The following SGCZ variants were observed in gnomAD, a reference collection of about 807,000 sequenced individuals.
SGCZ encodes sarcoglycan zeta, also known as zeta-sarcoglycan.
A neutral mutation model predicts 41.3 loss-of-function variants in SGCZ; 40 were observed. The ratio of observed to expected loss-of-function variants is 0.97; its 90% CI spans 0.75 to 1.26. The LOEUF (loss-of-function observed/expected upper bound fraction) is 1.26, where lower values mean the gene tolerates loss of function less well. Ranked by LOEUF, SGCZ falls within the 50% of genes most tolerant of loss-of-function variation. The pLI is 0.00. For missense variants in SGCZ, 552 were observed against 369.8 expected, an observed-to-expected ratio of 1.49 and a Z score of -4.04; for synonymous variants, 206 against 137.5, an observed-to-expected ratio of 1.50 and a Z score of -3.49.
At chr8:15,080,263 G>A (rs1230917011) in intron 1 of SGCZ, among the ~76,000 whole-genome samples, 1 of 151,908 alleles carries the variant, frequency 6.6e-6, no homozygotes, top group African/African-American at 2.4e-5. Context: ...CTCCTTAGAA[G>A]CTCCAATACT....
At chr8:14,470,310 T>A (rs1279144786) in intron 2 of SGCZ, among the ~76,000 whole-genome samples, 1 of 152,200 alleles carries the variant, frequency 6.6e-6, no homozygotes, top group South Asian at 2.1e-4. Flanking sequence ...CTCCTCACTC[T>A]TTTATAATCT....
chr8:14,182,928 T>C (rs1376430991), intron 4 of SGCZ, among the ~76,000 whole-genome samples: 1 of 150,368 alleles, frequency 6.7e-6, no homozygotes, highest in Non-Finnish European at 1.5e-5. Flanking sequence ...GAGAATCGCT[T>C]GAACCCAGGA....
chr8:15,085,210 C>T (rs1299589987), intron 1 of SGCZ, among the ~76,000 whole-genome samples: 1 of 152,040 alleles, frequency 6.6e-6, no homozygotes, highest in African/African-American at 2.4e-5. Context: ...AAATCCAAAC[C>T]CTACTCACAG....
chr8:14,287,265 A>G (rs1390758723), intron 3 of SGCZ, among the ~76,000 whole-genome samples: 1 of 151,762 alleles, frequency 6.6e-6, no homozygotes, highest in Non-Finnish European at 1.5e-5. Flanking sequence ...AAAAAATTAA[A>G]CTAGGAAAAA....
intron 1 of SGCZ, among the ~76,000 whole-genome samples, chr8:14,900,803 A>C (rs764151349): frequency 1.1e-4 from 16 of 152,222 alleles, no homozygotes; most frequent in Non-Finnish European, 2.2e-4. Flanking sequence ...CAAAGGTAAC[A>C]TAGCCAAAAT....
At chr8:14,195,904 G>C (rs1210966088) in intron 4 of SGCZ, among the ~76,000 whole-genome samples, 1 of 152,056 alleles carries the variant, frequency 6.6e-6, no homozygotes, top group African/African-American at 2.4e-5. Flanking sequence ...GAATGTTAAA[G>C]GAAGTTTTTC....
chr8:15,172,407 G>A (rs370730513), intron 1 of SGCZ, among the ~76,000 whole-genome samples: 22 of 151,732 alleles, frequency 1.4e-4, no homozygotes, highest in East Asian at 5.8e-4. Flanking sequence ...TGATCTGCCC[G>A]TCTCGGCCTC....
chr8:14,615,383 T>C (rs1278747775), intron 1 of SGCZ, among the ~76,000 whole-genome samples: 1 of 152,224 alleles, frequency 6.6e-6, no homozygotes, highest in African/African-American at 2.4e-5. Context: ...TGCTCCTGTA[T>C]CTGGCCCATA....
At chr8:14,867,757 C>T (rs1243759824) in intron 1 of SGCZ, among the ~76,000 whole-genome samples, 1 of 151,958 alleles carries the variant, frequency 6.6e-6, no homozygotes, top group Admixed American at 6.6e-5. Flanking sequence ...ACACTGGGGC[C>T]TCTTGGAGGG....
chr8:14,782,213 T>C (rs1468098509), intron 1 of SGCZ, among the ~76,000 whole-genome samples: 1 of 152,194 alleles, frequency 6.6e-6, no homozygotes, highest in Non-Finnish European at 1.5e-5. Context: ...TAAAACTTAT[T>C]AAGCACTTCC....
At chr8:14,512,128 G>T (rs1802484136) in intron 2 of SGCZ, among the ~76,000 whole-genome samples, 1 of 152,106 alleles carries the variant, frequency 6.6e-6, no homozygotes, top group South Asian at 2.1e-4. Context: ...TTTTTGAGCT[G>T]AGTATTTTCT....
chr8:14,796,280 T>A (rs1354132377), intron 1 of SGCZ, among the ~76,000 whole-genome samples: 1 of 152,168 alleles, frequency 6.6e-6, no homozygotes, highest in Middle Eastern at 3.2e-3. Flanking sequence ...AACTAATGCC[T>A]GCTGTTTTAC....
intron 5 of SGCZ, among the ~76,000 whole-genome samples, chr8:14,126,093 C>G (rs1344559365): frequency 2.0e-5 from 3 of 152,098 alleles, no homozygotes; most frequent in African/African-American, 7.2e-5. Flanking sequence ...GTGACATAGC[C>G]AAAAGCAATT....
intron 1 of SGCZ, among the ~76,000 whole-genome samples, chr8:15,229,977 C>A (rs1166148388): frequency 6.6e-6 from 1 of 152,218 alleles, no homozygotes; most frequent in African/African-American, 2.4e-5. Context: ...TGCATGCCTC[C>A]AGCAAAGACA....
chr8:14,843,624 A>G (rs1585311486), intron 1 of SGCZ, among the ~76,000 whole-genome samples: 1 of 152,138 alleles, frequency 6.6e-6, no homozygotes, highest in East Asian at 1.9e-4. Context: ...TTGCCCACAG[A>G]TACATGGAGA....
intron 5 of SGCZ, among the ~76,000 whole-genome samples, chr8:14,154,092 C>T (rs959761289): frequency 3.3e-5 from 5 of 152,086 alleles, no homozygotes; most frequent in African/African-American, 7.2e-5. Flanking sequence ...AATTTCTGGC[C>T]GGGCCCGGTG....
At chr8:14,924,334 C>A (rs1243472840) in intron 1 of SGCZ, among the ~76,000 whole-genome samples, 2 of 152,030 alleles carry the variant, frequency 1.3e-5, no homozygotes, top group Non-Finnish European at 2.9e-5. Flanking sequence ...CTTTGTAGAC[C>A]TGCTGTAAAT....
chr8:14,583,987 T>C (rs1038631831), intron 1 of SGCZ, among the ~76,000 whole-genome samples: 2 of 152,164 alleles, frequency 1.3e-5, no homozygotes, highest in African/African-American at 4.8e-5. Flanking sequence ...GGTTTTGTTT[T>C]GTTTTGTTTC....
rs752491618 is a variant in SGCZ at position 15,224,604 on chromosome 8, C to T, written c.39+12981G>A. On this transcript the variant is annotated intron_variant, in intron 1 of 7. Transcript: ENST00000382080. ...CCAATATATTAGATATTACAATAAA[C>T]GTAAATAAGCTAAATGCAGTAAATA... is the stretch of plus-strand genomic sequence containing the variant. 1.7e-4 allele frequency among the ~76,000 whole-genome samples: 26 copies of T among 152,058 alleles called. No individual in the cohort carries two copies. In the South Asian group the frequency reaches 3.7e-3, roughly 22 times the overall value.
Sources: gnomAD v4.1 joint callset for allele counts (sites outside exome capture counted in the v4.1 genomes callset) on GRCh38, gnomAD v4.1.1 for gene constraint, MANE v1.5 for transcripts, NCBI Gene and HGNC (gene_info 2026-07-23, HGNC 2026-07-21) for gene names.